The following NEO1 variants were observed in gnomAD, a reference collection of about 807,000 sequenced individuals.
NEO1 encodes neogenin 1, also known as neogenin.
Under a neutral mutation model 159.7 loss-of-function variants are expected in NEO1, and 63 were observed. The observed-to-expected ratio is 0.39, with a 90% CI of 0.32 to 0.49. NEO1 has a LOEUF of 0.49. Among genes scored for constraint, NEO1 ranks in the 20% least tolerant of loss-of-function variants. The pLI, the probability that NEO1 is intolerant of heterozygous loss-of-function variation, is 0.85. For synonymous variants in NEO1, 633 were observed against 662.0 expected, an observed-to-expected ratio of 0.96 and a Z score of 0.67; for missense variants, 1,615 against 1,831.0, an observed-to-expected ratio of 0.88 and a Z score of 2.15.
At chr15:73,235,607 G>A (rs991857983) in intron 7 of NEO1, among the ~76,000 whole-genome samples, 1 of 152,194 alleles carries the variant, frequency 6.6e-6, no homozygotes, top group Non-Finnish European at 1.5e-5. Context: ...TACCTGACTT[G>A]CAATTTTTTG....
intron 1 of NEO1, among the ~76,000 whole-genome samples, chr15:73,077,208 T>A (rs979401245): frequency 3.3e-5 from 5 of 152,126 alleles, no homozygotes; most frequent in Non-Finnish European, 4.4e-5. Context: ...CACGCCTGGC[T>A]AATTTTTGTA....
chr15:73,081,894 T>A (rs2069072445), intron 1 of NEO1, among the ~76,000 whole-genome samples: 1 of 134,538 alleles, frequency 7.4e-6, no homozygotes, highest in African/African-American at 2.8e-5. Flanking sequence ...TGAGATGGAG[T>A]CTTGCTCTGT....
At chr15:73,302,142 A>T (rs1311312290) in intron 28 of NEO1, among the ~76,000 whole-genome samples, 1 of 152,224 alleles carries the variant, frequency 6.6e-6, no homozygotes, top group African/African-American at 2.4e-5. Context: ...CCTGAGCAAG[A>T]TGCTGGAGGA....
intron 1 of NEO1, among the ~76,000 whole-genome samples, chr15:73,089,884 A>C (rs1342283782): frequency 6.6e-6 from 1 of 152,178 alleles, no homozygotes; most frequent in Non-Finnish European, 1.5e-5. Flanking sequence ...ACAAATTGGA[A>C]ATGACTTAAA....
In NEO1 at chr15:73,219,196, A is replaced by G. The variant is rs1196736415; in HGVS notation, c.1292-17151A>G. 5.9e-3 allele frequency among the ~76,000 whole-genome samples: 890 copies of G among 151,536 alleles called. 6 individuals are homozygous for G. The highest frequency in any genetic ancestry group is 0.021 in the African/African-American group (841 of 40,846). ...TCGTTATGTACCCAGCAGTCATTCAAGAGCAGGTTGTTCAGTTTCCATGTA... is the reference window on the plus strand; with the variant it reads ...TCGTTATGTACCCAGCAGTCATTCAGGAGCAGGTTGTTCAGTTTCCATGTA... On this transcript the variant is annotated intron_variant, in intron 7 of 28. Transcript: ENST00000261908.
At chr15:73,170,269 T>G (rs2151928387) in intron 5 of NEO1, among the ~76,000 whole-genome samples, 1 of 152,294 alleles carries the variant, frequency 6.6e-6, no homozygotes, top group East Asian at 1.9e-4. Context: ...AGACTATGGG[T>G]GTAGGATAAA....
At chr15:73,063,030 CCT>C (rs1379668610) in intron 1 of NEO1, among the ~76,000 whole-genome samples, 1 of 152,106 alleles carries the variant, frequency 6.6e-6, no homozygotes, top group Non-Finnish European at 1.5e-5. Context: ...AGGAAGCGTT[CCT>C]CTGTTTACTG....
rs1406927860 is a variant in NEO1, at chr15:73,254,714, A to G, written c.1977A>G (p.Pro659=). 1.2e-6 allele frequency: 2 copies of G among 1,614,002 alleles called. No individual in the cohort carries two copies. The highest frequency in any genetic ancestry group is 8.5e-7 in the Non-Finnish European group (1 of 1,179,950). Residue 659 remains proline, a synonymous_variant, in exon 13 of 29, where the codon CCA becomes CCG. Transcript: ENST00000261908. The part of the protein sequence containing the change: ...SIMIHWQPPA[P]ATQNGQITGY... ...TGATTCACTGGCAGCCACCTGCTCC[A>G]GCCACACAAAATGGGCAGATTACTG...
intron 1 of NEO1, among the ~76,000 whole-genome samples, chr15:73,058,774 A>C (rs2067840394): frequency 6.6e-6 from 1 of 152,188 alleles, no homozygotes; most frequent in South Asian, 2.1e-4. Flanking sequence ...CTAATTAATA[A>C]GTAATTTCAA....
chr15:73,188,977 T>G (rs1378667788), intron 7 of NEO1, among the ~76,000 whole-genome samples: 2 of 152,058 alleles, frequency 1.3e-5, no homozygotes, highest in Non-Finnish European at 2.9e-5. Context: ...CACACACCTT[T>G]GGTCCCAGGT....
chr15:73,283,824 C>T (rs544931671), intron 23 of NEO1, among the ~76,000 whole-genome samples: 1 of 152,268 alleles, frequency 6.6e-6, no homozygotes, highest in Admixed American at 6.5e-5. Flanking sequence ...CAAATGCCAG[C>T]CCAGTTGGAA....
At chr15:73,165,435 A>T (rs2034505264) in intron 5 of NEO1, among the ~76,000 whole-genome samples, 1 of 152,224 alleles carries the variant, frequency 6.6e-6, no homozygotes, top group Non-Finnish European at 1.5e-5. Context: ...CTGTCAGTTA[A>T]CAGAAAAATC....
intron 1 of NEO1, among the ~76,000 whole-genome samples, chr15:73,080,271 A>G (rs1481812541): frequency 6.6e-6 from 1 of 152,182 alleles, no homozygotes; most frequent in Non-Finnish European, 1.5e-5. Flanking sequence ...GAACACTGTA[A>G]CTCTCTAGCC....
intron 1 of NEO1, among the ~76,000 whole-genome samples, chr15:73,108,732 T>C (rs534244859): frequency 1.3e-5 from 2 of 152,188 alleles, no homozygotes; most frequent in South Asian, 2.1e-4. Context: ...TCTTCAGAAA[T>C]AGTTGTTAGA....
At chr15:73,223,417 A>G (rs967219688) in intron 7 of NEO1, among the ~76,000 whole-genome samples, 3 of 152,106 alleles carry the variant, frequency 2.0e-5, no homozygotes, top group African/African-American at 7.2e-5. Flanking sequence ...GCTGTCTATC[A>G]CATTTCTTAG....
chr15:73,062,442 A>G (rs931764116), intron 1 of NEO1, among the ~76,000 whole-genome samples: 1 of 152,216 alleles, frequency 6.6e-6, no homozygotes. Flanking sequence ...CAAAACTTCC[A>G]TAGCTGCTTG....
chr15:73,289,002 C>G (rs2042057562), intron 24 of NEO1, 144 bp from the exon 25 acceptor site: 4 of 646,376 alleles, frequency 6.2e-6, no homozygotes, highest in Non-Finnish European at 1.1e-5. Context: ...TCATTTTCCT[C>G]TTTATTTCAC....
intron 1 of NEO1, among the ~76,000 whole-genome samples, chr15:73,079,658 T>C (rs997028529): frequency 3.9e-5 from 6 of 152,262 alleles, no homozygotes; most frequent in African/African-American, 1.4e-4. Context: ...CTATTGGAAG[T>C]ACTCTTTTAT....
chr15:73,272,191 C>T (rs2041205650), intron 18 of NEO1, among the ~76,000 whole-genome samples: 2 of 152,204 alleles, frequency 1.3e-5, no homozygotes, highest in Non-Finnish European at 2.9e-5. Context: ...ACTTGACTTT[C>T]CTACCTAATT....
Sources: gnomAD v4.1 joint callset for allele counts (sites outside exome capture counted in the v4.1 genomes callset) on GRCh38, gnomAD v4.1.1 for gene constraint, MANE v1.5 for transcripts, NCBI Gene and HGNC (gene_info 2026-07-23, HGNC 2026-07-21) for gene names.